Variants in PSD3 observed in about 807,000 individuals in gnomAD.
The protein encoded by PSD3 is pleckstrin and Sec7 domain containing 3.
A neutral mutation model predicts 105.5 loss-of-function variants in PSD3; 49 were observed. The ratio of observed to expected loss-of-function variants is 0.46; its 90% CI spans 0.37 to 0.59. PSD3 has a LOEUF of 0.59. Among genes scored for constraint, PSD3 ranks in the 20% least tolerant of loss-of-function variants. The pLI is 0.00. For synonymous variants in PSD3, 557 were observed against 457.8 expected, an observed-to-expected ratio of 1.22 and a Z score of -2.77; for missense variants, 1,561 against 1,263.8, an observed-to-expected ratio of 1.24 and a Z score of -3.57.
At chr8:18,770,789 G>C (rs1254181670) in intron 8 of PSD3, among the ~76,000 whole-genome samples, 1 of 152,242 alleles carries the variant, frequency 6.6e-6, no homozygotes, top group Non-Finnish European at 1.5e-5. Flanking sequence ...GGGTGAGATG[G>C]CTGCCTTCTG....
intron 9 of PSD3, among the ~76,000 whole-genome samples, chr8:18,703,626 T>C (rs190579528): frequency 1.4e-3 from 206 of 152,310 alleles, no homozygotes; most frequent in Non-Finnish European, 2.4e-3. Flanking sequence ...GTAAATAACA[T>C]GCAACTGACT....
intron 1 of PSD3, among the ~76,000 whole-genome samples, chr8:19,043,242 A>G (rs927469277): frequency 3.3e-5 from 5 of 152,232 alleles, no homozygotes; most frequent in Admixed American, 3.3e-4. Flanking sequence ...AAATTTGTAC[A>G]TGCAGAATGA....
chr8:18,671,242 G>A (rs904100722), intron 9 of PSD3, among the ~76,000 whole-genome samples: 1 of 152,178 alleles, frequency 6.6e-6, no homozygotes, highest in African/African-American at 2.4e-5. Context: ...AGGAGCTGGA[G>A]GTTAGGCAGA....
chr8:18,862,375 G>GT (rs11287530), intron 4 of PSD3, among the ~76,000 whole-genome samples: 7 of 150,686 alleles, frequency 4.6e-5, no homozygotes, highest in Admixed American at 1.3e-4. Context: ...CTCCTTTGTG[G>GT]TTTTTAAAAA....
At chr8:18,712,224 C>T (rs1802298032) in intron 9 of PSD3, among the ~76,000 whole-genome samples, 1 of 151,222 alleles carries the variant, frequency 6.6e-6, no homozygotes, top group Non-Finnish European at 1.5e-5. Context: ...ACTAGAGAAC[C>T]AAGAGCAAAC....
chr8:18,760,415 AC>A (rs201623032), intron 9 of PSD3, among the ~76,000 whole-genome samples: 8,976 of 152,114 alleles, frequency 0.059, 432 homozygotes, highest in East Asian at 0.21. Context: ...CCATCCCCAG[AC>A]CCCTGGTAAC....
chr8:19,060,545 G>T (rs940784056), intron 1 of PSD3, among the ~76,000 whole-genome samples: 1 of 152,138 alleles, frequency 6.6e-6, no homozygotes, highest in African/African-American at 2.4e-5. Flanking sequence ...GAGACAGGAG[G>T]ATTGCTTGAG....
chr8:18,603,064 C>CAAT (rs2130587814), intron 11 of PSD3, among the ~76,000 whole-genome samples: 1 of 152,312 alleles, frequency 6.6e-6, no homozygotes, highest in South Asian at 2.1e-4. Flanking sequence ...TGTGGGGAAT[C>CAAT]AATAGGCTGA....
intron 1 of PSD3, among the ~76,000 whole-genome samples, chr8:18,987,353 T>A (rs1000909970): frequency 2.7e-4 from 41 of 151,920 alleles, no homozygotes; most frequent in African/African-American, 8.2e-4. Context: ...AGTGGCGCAA[T>A]CTCGGCTCAC....
intron 1 of PSD3, among the ~76,000 whole-genome samples, chr8:19,053,927 G>A (rs1274423556): frequency 6.6e-6 from 1 of 152,202 alleles, no homozygotes; most frequent in Non-Finnish European, 1.5e-5. Context: ...TTGCAGTCTT[G>A]GAGTTACAAG....
chr8:18,735,430 C>T (rs1375325402), intron 9 of PSD3, among the ~76,000 whole-genome samples: 1 of 152,026 alleles, frequency 6.6e-6, no homozygotes, highest in East Asian at 1.9e-4. Context: ...ATAAACGTAC[C>T]CAAGTGGACA....
chr8:18,658,824 T>C (rs565433643), intron 9 of PSD3, among the ~76,000 whole-genome samples: 1 of 152,264 alleles, frequency 6.6e-6, no homozygotes, highest in Admixed American at 6.5e-5. Context: ...AAGTATGCTC[T>C]AGTAGCCTCA....
chr8:19,074,807 AG>A (rs1829410443), intron 1 of PSD3, among the ~76,000 whole-genome samples: 1 of 151,114 alleles, frequency 6.6e-6, no homozygotes, highest in South Asian at 2.1e-4. Context: ...TTTTTAGTGG[AG>A]ACGGGGTTTC....
At chr8:18,702,038 G>C in intron 9 of PSD3, among the ~76,000 whole-genome samples, 1 of 152,186 alleles carries the variant, frequency 6.6e-6, no homozygotes, top group Non-Finnish European at 1.5e-5. Context: ...ATTCGTTTCA[G>C]CATTTTACTT....
intron 1 of PSD3, among the ~76,000 whole-genome samples, chr8:18,986,223 T>C (rs1016616168): frequency 3.3e-5 from 5 of 152,212 alleles, no homozygotes; most frequent in Admixed American, 6.5e-5. Context: ...ACTGCATTAA[T>C]GAATAGATAT....
At chr8:19,060,068 C>A (rs763837861) in intron 1 of PSD3, among the ~76,000 whole-genome samples, 2 of 152,070 alleles carry the variant, frequency 1.3e-5, no homozygotes, top group Non-Finnish European at 2.9e-5. Flanking sequence ...GCTTTTATGT[C>A]GTATTATGTA....
At chr8:18,670,607 A>G (rs960050998) in intron 9 of PSD3, among the ~76,000 whole-genome samples, 1 of 152,172 alleles carries the variant, frequency 6.6e-6, no homozygotes, top group Admixed American at 6.5e-5. Flanking sequence ...TCAAGCACAA[A>G]TAAAAAACTG....
At chr8:18,556,581 C>G (rs1477860262) in intron 14 of PSD3, among the ~76,000 whole-genome samples, 2 of 152,132 alleles carry the variant, frequency 1.3e-5, no homozygotes, top group Non-Finnish European at 2.9e-5. Context: ...GGTCCCTTGT[C>G]ATAAAACCAA....
chr8:18,589,027 A>G (rs1249003609), intron 12 of PSD3, among the ~76,000 whole-genome samples: 1 of 152,200 alleles, frequency 6.6e-6, no homozygotes, highest in East Asian at 1.9e-4. Context: ...AAGTGACCCA[A>G]GAGAGTGGAA....
Sources: allele counts gnomAD v4.1 joint callset (sites outside exome capture counted in the v4.1 genomes callset), GRCh38; gene constraint gnomAD v4.1.1; transcripts MANE v1.5; gene names NCBI Gene and HGNC (gene_info 2026-07-23, HGNC 2026-07-21).